The following RAB40C variants were observed in gnomAD, a reference collection of about 807,000 sequenced individuals.
RAB40C encodes the protein ras-related protein Rab-40C.
RAB40C carries 8 observed loss-of-function variants against 28.1 expected under a neutral mutation model. The observed-to-expected ratio is 0.28, with a 90% CI of 0.17 to 0.51. The LOEUF is 0.51. Ranked by LOEUF, RAB40C falls within the 20% of genes least tolerant of loss-of-function variation. RAB40C has a pLI of 0.97. For missense variants in RAB40C, 288 were observed against 405.9 expected (o/e 0.71, Z 2.50); for synonymous variants, 201 against 171.7 (o/e 1.17, Z -1.34).
rs2036460597 is a variant in RAB40C at position 610,473 on chromosome 16, C to T, written c.143-6735C>T. Among the ~76,000 whole-genome samples, 1 of 152,164 alleles carries T rather than the reference C, an allele frequency of 6.6e-6. No individual in the cohort carries two copies. The highest frequency in any genetic ancestry group is 1.5e-5 in the Non-Finnish European group (1 of 68,016). Reference sequence around the variant, plus strand: ...GAGGCCTCAGTGGGCCTGCACGGAGCAGCTGACCTTCACTGGCGCCCTTGC... The same window carrying T: ...GAGGCCTCAGTGGGCCTGCACGGAGTAGCTGACCTTCACTGGCGCCCTTGC... On this transcript the variant is annotated intron_variant, in intron 1 of 5. Transcript: ENST00000248139. The surrounding 1 kb of genome is among the most constrained non-coding windows in gnomAD (Gnocchi z 4.6).
intron 3 of RAB40C, among the ~76,000 whole-genome samples, chr16:619,917 T>C (rs1452851367): frequency 6.6e-6 from 1 of 152,220 alleles, no homozygotes; most frequent in Non-Finnish European, 1.5e-5. Context: ...CAGGGCGGGC[T>C]GGGTCGCACC....
chr16:598,418 G>A (rs1029929406), intron 1 of RAB40C, among the ~76,000 whole-genome samples: 5 of 151,298 alleles, frequency 3.3e-5, no homozygotes, highest in African/African-American at 4.9e-5. Flanking sequence ...AAAATTAGCC[G>A]GGCGTGGTGG....
chr16:598,376 CAA>C (rs59657468), intron 1 of RAB40C, among the ~76,000 whole-genome samples: 2,117 of 132,836 alleles, frequency 0.016, 53 homozygotes, highest in African/African-American at 0.052. Flanking sequence ...GACTCCACCT[CAA>C]AAAAAAAAAA....
intron 1 of RAB40C, among the ~76,000 whole-genome samples, chr16:606,077 C>G (rs2036355622): frequency 6.6e-6 from 1 of 152,262 alleles, no homozygotes; most frequent in African/African-American, 2.4e-5. Flanking sequence ...GATGGCCTTT[C>G]TACTCCTTTT....
chr16:618,102 T>TC (rs2036626238), intron 2 of RAB40C, 98 bp from the exon 3 acceptor site: 1 of 1,180,886 alleles, frequency 8.5e-7, no homozygotes. Context: ...GCCGCCCCGC[T>TC]CCCCTCAGGA....
At chr16:626,712 T>C (rs918870268) in intron 5 of RAB40C, among the ~76,000 whole-genome samples, 30 of 152,230 alleles carry the variant, frequency 2.0e-4, no homozygotes, top group Middle Eastern at 3.4e-3. Flanking sequence ...CCACAGCAGG[T>C]GGATCACCTG....
rs557203809 is a variant in RAB40C, at chr16:594,596, T to C, written c.142+4163T>C. 6.6e-5 allele frequency among the ~76,000 whole-genome samples: 10 copies of C among 152,294 alleles called. No individual in the cohort carries two copies. The South Asian group carries it at 2.1e-3, about 32-fold the overall frequency. On this transcript the variant is annotated intron_variant, in intron 1 of 5. Coordinates refer to ENST00000248139, the MANE Select transcript of RAB40C (RefSeq NM_021168.5). ...AAGTGGCCAATTCCAGGGGACACTA[T>C]CTTGAGAGGCTCCTCCGTGTTTCAT... is the stretch of plus-strand genomic sequence containing the variant.
chr16:603,223 C>G (rs2036292210), intron 1 of RAB40C, among the ~76,000 whole-genome samples: 1 of 152,234 alleles, frequency 6.6e-6, no homozygotes, highest in Admixed American at 6.5e-5. Context: ...TCTAGCTTCG[C>G]AGGAAACCAG....
intron 4 of RAB40C, 50 bp downstream of exon 4, chr16:625,559 GTAC>G: frequency 6.4e-7 from 1 of 1,572,844 alleles, no homozygotes. Context: ...CTGGATGGAG[GTAC>G]CTGGGCCCCG....
chr16:621,212 G>A (rs2036709188), intron 3 of RAB40C, among the ~76,000 whole-genome samples: 2 of 152,216 alleles, frequency 1.3e-5, no homozygotes, highest in South Asian at 2.1e-4. Context: ...TCTGACCGCC[G>A]TGACTGAGCA....
chr16:627,237 A>G (rs571143485), intron 5 of RAB40C, 105 bp from the exon 6 acceptor site: 779 of 1,151,770 alleles, frequency 6.8e-4, no homozygotes, highest in Admixed American at 2.0e-3. Flanking sequence ...GAACACCTCT[A>G]GGAGTGTGGA....
intron 3 of RAB40C, chr16:624,298 C>T: frequency 2.1e-5 from 21 of 985,460 alleles, no homozygotes; most frequent in Non-Finnish European, 2.5e-5. Context: ...AATGAGCCAG[C>T]CCCAGTCCCT....
intron 1 of RAB40C, among the ~76,000 whole-genome samples, chr16:615,887 G>C (rs995360213): frequency 6.6e-6 from 1 of 152,108 alleles, no homozygotes; most frequent in East Asian, 1.9e-4. Context: ...GCTTGAACCC[G>C]GGAGGTGGAG....
chr16:619,070 A>T (rs2036655452), intron 3 of RAB40C, among the ~76,000 whole-genome samples: 3 of 115,232 alleles, frequency 2.6e-5, no homozygotes, highest in South Asian at 6.1e-4. Context: ...TAGTGGGTGC[A>T]CTCGGCCATG....
At position 605,174 on chromosome 16, in the gene RAB40C, G is replaced by A. The variant is rs1326125409; in HGVS notation, c.143-12034G>A. 3.9e-5 allele frequency among the ~76,000 whole-genome samples: 6 copies of A among 152,214 alleles called. No homozygotes were observed. The East Asian group carries it at 5.8e-4, about 15-fold the overall frequency. Reference sequence around the variant, plus strand: ...CTGGAGTTGGAGGCTGCAGCGAGCCGTGATTGTTCCGCTGCACTCCAGCCT... The same window carrying A: ...CTGGAGTTGGAGGCTGCAGCGAGCCATGATTGTTCCGCTGCACTCCAGCCT... On this transcript the variant is annotated intron_variant, in intron 1 of 5. Transcript: ENST00000248139.
intron 1 of RAB40C, among the ~76,000 whole-genome samples, chr16:615,680 G>A (rs2036571028): frequency 6.6e-6 from 1 of 152,212 alleles, no homozygotes; most frequent in Non-Finnish European, 1.5e-5. Context: ...ATGTGATGTG[G>A]GCCGGGCACG....
intron 4 of RAB40C, 96 bp from the exon 5 acceptor site, chr16:625,803 C>A: frequency 8.0e-7 from 1 of 1,252,536 alleles, no homozygotes; most frequent in Non-Finnish European, 1.1e-6. Context: ...ACGGCCCTCA[C>A]CCCATCATAG....
intron 1 of RAB40C, among the ~76,000 whole-genome samples, chr16:599,148 G>A (rs1567184991): frequency 1.3e-5 from 2 of 152,338 alleles, no homozygotes; most frequent in East Asian, 3.9e-4. Context: ...GCTGTGTTTC[G>A]GTCCAGAAAG....
intron 1 of RAB40C, among the ~76,000 whole-genome samples, chr16:595,152 G>A (rs899066932): frequency 6.6e-6 from 1 of 152,184 alleles, no homozygotes; most frequent in Non-Finnish European, 1.5e-5. Flanking sequence ...GCAGGGTGGT[G>A]TTGTGGGAGG....
Sources: gnomAD v4.1 joint callset for allele counts (sites outside exome capture counted in the v4.1 genomes callset) on GRCh38, gnomAD v4.1.1 for gene constraint, Gnocchi (gnomAD v3.1) non-coding constraint, MANE v1.5 for transcripts, NCBI Gene and HGNC (gene_info 2026-07-23, HGNC 2026-07-21) for gene names.